DMD: variants seen among roughly 807,000 people sequenced by gnomAD.
The protein encoded by DMD is mutant dystrophin.
Under a neutral mutation model 330.1 loss-of-function variants are expected in DMD, and 63 were observed. The observed-to-expected ratio is 0.19, with a 90% CI of 0.16 to 0.24. DMD has a LOEUF of 0.24. DMD is among the 10% of genes least tolerant of loss of function. The probability of loss-of-function intolerance (pLI) is 1.00; values close to 1 mark genes in which losing one functional copy is unlikely to be tolerated. For missense variants in DMD, 3,344 were observed against 2,684.1 expected (o/e 1.25, Z -5.43); for synonymous variants, 1,223 against 959.8 (o/e 1.27, Z -5.07).
chrX:31,873,475 C>G, intron 48 of DMD, among the ~76,000 whole-genome samples: 1 of 111,292 alleles, frequency 9.0e-6, no homozygotes. Flanking sequence ...TCAGTTCCAG[C>G]AAAACAACAG....
chrX:33,255,163 G>C (rs939195906), intron 1 of DMD, among the ~76,000 whole-genome samples: 4 of 110,660 alleles, frequency 3.6e-5, no homozygotes, highest in African/African-American at 9.8e-5. Context: ...AAAAACTTAA[G>C]ACATTGAGCA....
intron 44 of DMD, among the ~76,000 whole-genome samples, chrX:32,162,669 G>T (rs1419641323): frequency 1.1e-5 from 1 of 88,061 alleles, no homozygotes; most frequent in Non-Finnish European, 2.1e-5. Flanking sequence ...GCACAATCTT[G>T]GCTCAATTCT....
At chrX:32,348,576 G>A (rs2097771740) in intron 37 of DMD, 48 bp from the exon 38 acceptor site, 1 of 1,085,312 alleles carries the variant, frequency 9.2e-7, no homozygotes, top group Admixed American at 2.5e-5. Flanking sequence ...CTTTTTATTA[G>A]AAACATAAAC....
chrX:32,052,687 G>T (rs892746555), intron 44 of DMD, among the ~76,000 whole-genome samples: 3 of 111,336 alleles, frequency 2.7e-5, no homozygotes, highest in African/African-American at 9.8e-5. Flanking sequence ...TCAGGTAATC[G>T]AGAAACCTGC....
At chrX:31,746,560 T>C (rs2087852745) in intron 51 of DMD, among the ~76,000 whole-genome samples, 1 of 111,876 alleles carries the variant, frequency 8.9e-6, no homozygotes, top group Non-Finnish European at 1.9e-5. Context: ...CAAATATGGC[T>C]AGTCCAGGTT....
intron 47 of DMD, among the ~76,000 whole-genome samples, chrX:31,904,240 C>A (rs997094387): frequency 8.1e-5 from 9 of 111,620 alleles, no homozygotes; most frequent in Non-Finnish European, 1.1e-4. Context: ...ATGACAAATA[C>A]TTCTCTAATT....
chrX:32,132,577 A>G lies in DMD; in HGVS notation c.6438+84339T>C, dbSNP rs142603868. On this transcript the variant is annotated intron_variant, in intron 44 of 78. Transcript: ENST00000357033. Reference sequence around the variant, plus strand: ...TACGTTAACTACATTTCATTGTTGGAGGAATTTAATTCAGTCATGTAGATA... The same window carrying G: ...TACGTTAACTACATTTCATTGTTGGGGGAATTTAATTCAGTCATGTAGATA... Among the ~76,000 whole-genome samples, 495 of 111,206 alleles carry G rather than the reference A, an allele frequency of 4.5e-3. 3 individuals carry two copies. Among genetic ancestry groups the G allele is most frequent in the African/African-American group, 0.015 (466 of 30,572 alleles).
chrX:31,405,022 T>C (rs2061348379), intron 60 of DMD, among the ~76,000 whole-genome samples: 1 of 111,642 alleles, frequency 9.0e-6, no homozygotes, highest in South Asian at 3.7e-4. Flanking sequence ...TAGAGAGAAA[T>C]GCATGCTGCT....
At chrX:32,190,897 C>T (rs1410729683) in intron 44 of DMD, among the ~76,000 whole-genome samples, 1 of 109,288 alleles carries the variant, frequency 9.2e-6, no homozygotes, top group Non-Finnish European at 1.9e-5. Flanking sequence ...TTCCTGGTAT[C>T]TTTATCCTAT....
chrX:31,233,821 A>G (rs181637731), intron 63 of DMD, among the ~76,000 whole-genome samples: 1 of 111,893 alleles, frequency 8.9e-6, no homozygotes. Context: ...CTCCATTTCA[A>G]TTACTTCTCT....
intron 52 of DMD, among the ~76,000 whole-genome samples, chrX:31,688,318 C>T (rs1293756056): frequency 2.7e-5 from 3 of 110,058 alleles, no homozygotes; most frequent in Non-Finnish European, 5.7e-5. Flanking sequence ...ATACAAACTA[C>T]CATCAGAGAA....
At chrX:32,432,749 T>C (rs1191674416) in intron 29 of DMD, among the ~76,000 whole-genome samples, 1 of 112,353 alleles carries the variant, frequency 8.9e-6, no homozygotes, top group African/African-American at 3.2e-5. Flanking sequence ...AAGCATAATA[T>C]GCCACTTATT....
At chrX:32,478,075 T>G (rs760064319) in intron 21 of DMD, among the ~76,000 whole-genome samples, 1 of 112,121 alleles carries the variant, frequency 8.9e-6, no homozygotes, top group East Asian at 2.8e-4. Context: ...TGGCTCACAT[T>G]ATTTTTCTGT....
intron 44 of DMD, among the ~76,000 whole-genome samples, chrX:32,095,475 C>T (rs902410759): frequency 9.0e-6 from 1 of 111,457 alleles, no homozygotes; most frequent in African/African-American, 3.3e-5. Context: ...GAGACCAGGT[C>T]TGTGTATGAA....
intron 60 of DMD, among the ~76,000 whole-genome samples, chrX:31,416,850 A>G (rs1045905699): frequency 8.9e-6 from 1 of 112,193 alleles, no homozygotes; most frequent in African/African-American, 3.2e-5. Flanking sequence ...CAATAAAATG[A>G]GCGGTAAGTA....
intron 29 of DMD, among the ~76,000 whole-genome samples, chrX:32,422,650 A>T (rs1260744754): frequency 8.9e-6 from 1 of 111,734 alleles, no homozygotes; most frequent in Non-Finnish European, 1.9e-5. Context: ...TAATAAATAT[A>T]TGCATTTTAT....
chrX:31,313,385 T>C (rs951990142), intron 62 of DMD, among the ~76,000 whole-genome samples: 1 of 111,506 alleles, frequency 9.0e-6, no homozygotes, highest in African/African-American at 3.3e-5. Context: ...GTAGTTTTGG[T>C]GATGCCCAAG....
At chrX:31,793,922 C>T (rs1047121855) in intron 50 of DMD, among the ~76,000 whole-genome samples, 11 of 111,400 alleles carry the variant, frequency 9.9e-5, no homozygotes, top group African/African-American at 3.6e-4. Context: ...AAATTATATT[C>T]AGAGAAATCA....
chrX:32,447,076 G>A (rs1216629034), intron 27 of DMD, among the ~76,000 whole-genome samples: 1 of 110,378 alleles, frequency 9.1e-6, no homozygotes, highest in African/African-American at 3.3e-5. Context: ...TGAATAATAG[G>A]GAACAATGAT....
Sources: gnomAD v4.1 joint callset for allele counts (sites outside exome capture counted in the v4.1 genomes callset) on GRCh38, gnomAD v4.1.1 for gene constraint, MANE v1.5 for transcripts, NCBI Gene and HGNC (gene_info 2026-07-23, HGNC 2026-07-21) for gene names.